The following TWIST2 variants were observed in gnomAD, a reference collection of about 807,000 sequenced individuals.
TWIST2 encodes the protein twist family bHLH transcription factor 2.
A neutral mutation model predicts 11.6 loss-of-function variants in TWIST2; 1 was observed. That is an observed-to-expected ratio of 0.09 (90% confidence interval 0.03 to 0.41). TWIST2 has a LOEUF of 0.41. Ranked by LOEUF, TWIST2 falls within the 10% of genes least tolerant of loss-of-function variation. TWIST2 has a pLI of 0.98. For missense variants in TWIST2, 168 were observed against 226.4 expected (o/e 0.74, Z 1.66); for synonymous variants, 87 against 96.6 (o/e 0.90, Z 0.58).
chr2:238,882,857 G>T (rs1414870132), intron 1 of TWIST2, among the ~76,000 whole-genome samples: 1 of 152,162 alleles, frequency 6.6e-6, no homozygotes, highest in Non-Finnish European at 1.5e-5. Flanking sequence ...TTTCTGGGTT[G>T]CTCTGCTGGA....
chr2:238,854,534 G>A (rs565204523), intron 1 of TWIST2, among the ~76,000 whole-genome samples: 98 of 152,342 alleles, frequency 6.4e-4, no homozygotes, highest in African/African-American at 2.2e-3. Flanking sequence ...CCCAGGAGGG[G>A]TTAGGGCAAC....
At chr2:238,905,984 T>C (rs1471274376) in intron 1 of TWIST2, among the ~76,000 whole-genome samples, 1 of 142,758 alleles carries the variant, frequency 7.0e-6, no homozygotes, top group Non-Finnish European at 1.5e-5. Context: ...CGCGCGCGTG[T>C]ACGTGCGCGT....
At chr2:238,870,145 TACACACCACACCCCAC>T (rs796428943) in intron 1 of TWIST2, among the ~76,000 whole-genome samples, 1 of 14,972 alleles carries the variant, frequency 6.7e-5, no homozygotes, top group African/African-American at 3.4e-4. Flanking sequence ...CCACACCCCA[TACACACCACACCCCAC>T]ACACACCACA....
intron 1 of TWIST2, among the ~76,000 whole-genome samples, chr2:238,868,831 C>T (rs897732552): frequency 2.6e-5 from 4 of 152,224 alleles, no homozygotes; most frequent in Non-Finnish European, 5.9e-5. Context: ...CTGGAGGGAG[C>T]GCTGCGTGCC....
At chr2:238,850,853 A>G (rs1283013258) in intron 1 of TWIST2, among the ~76,000 whole-genome samples, 5 of 152,228 alleles carry the variant, frequency 3.3e-5, no homozygotes, top group African/African-American at 4.8e-5. Flanking sequence ...GTTTCATTAA[A>G]TAGATACTCT....
At chr2:238,902,459 G>A (rs1693280069) in intron 1 of TWIST2, among the ~76,000 whole-genome samples, 1 of 150,668 alleles carries the variant, frequency 6.6e-6, no homozygotes, top group South Asian at 2.1e-4. Context: ...TGTGAATTGG[G>A]GTATGTGTGG....
intron 1 of TWIST2, among the ~76,000 whole-genome samples, chr2:238,858,663 G>A (rs368265887): frequency 1.7e-4 from 26 of 152,200 alleles, no homozygotes; most frequent in African/African-American, 3.6e-4. Flanking sequence ...CAGTTTCCCC[G>A]TCTGTAAAAT....
chr2:238,902,185 T>C (rs1693275330), intron 1 of TWIST2, among the ~76,000 whole-genome samples: 1 of 151,494 alleles, frequency 6.6e-6, no homozygotes, highest in African/African-American at 2.4e-5. Context: ...TGTGTGTGTG[T>C]GCAAGAGAGA....
At chr2:238,880,305 G>A (rs550957841) in intron 1 of TWIST2, among the ~76,000 whole-genome samples, 2 of 147,654 alleles carry the variant, frequency 1.4e-5, no homozygotes, top group African/African-American at 2.5e-5. Flanking sequence ...GTTATTGTTA[G>A]TGTTAGTGTT....
intron 1 of TWIST2, among the ~76,000 whole-genome samples, chr2:238,868,186 T>C (rs36171175): frequency 0.57 from 86,704 of 151,962 alleles, 25,479 homozygotes; most frequent in Middle Eastern, 0.71. Flanking sequence ...GAGGTCAGGC[T>C]TTCTGCACGT....
chr2:238,883,864 C>G (rs1692983886), intron 1 of TWIST2, among the ~76,000 whole-genome samples: 1 of 152,180 alleles, frequency 6.6e-6, no homozygotes, highest in East Asian at 1.9e-4. Flanking sequence ...TTTCTCTCCT[C>G]CTGCATCTGC....
chr2:238,855,974 T>C (rs1461020953), intron 1 of TWIST2, among the ~76,000 whole-genome samples: 3 of 152,194 alleles, frequency 2.0e-5, no homozygotes, highest in Admixed American at 1.3e-4. Context: ...CAAACAGATA[T>C]CTGTACCCTA....
At chr2:238,908,747 GTGTT>G (rs1693399636) in intron 1 of TWIST2, among the ~76,000 whole-genome samples, 1 of 151,426 alleles carries the variant, frequency 6.6e-6, no homozygotes, top group Non-Finnish European at 1.5e-5. Flanking sequence ...GGGATGTGGT[GTGTT>G]TGTGTGTGGT....
intron 1 of TWIST2, among the ~76,000 whole-genome samples, chr2:238,905,908 T>C (rs1330828402): frequency 8.0e-4 from 35 of 43,960 alleles, no homozygotes; most frequent in East Asian, 7.3e-3. Context: ...TGTGTGCGTG[T>C]GTGTGCGTGC....
chr2:238,900,313 C>T (rs2106372744), intron 1 of TWIST2, among the ~76,000 whole-genome samples: 1 of 152,302 alleles, frequency 6.6e-6, no homozygotes, highest in East Asian at 1.9e-4. Flanking sequence ...CAGACAGAAG[C>T]TTGGGGTGAC....
chr2:238,907,261 G>A (rs2106376349), intron 1 of TWIST2, among the ~76,000 whole-genome samples: 1 of 152,336 alleles, frequency 6.6e-6, no homozygotes, highest in South Asian at 2.1e-4. Flanking sequence ...CCAAGACCTT[G>A]GGCTTATGAC....
At chr2:238,900,612 T>G (rs1476578424) in intron 1 of TWIST2, among the ~76,000 whole-genome samples, 2 of 152,210 alleles carry the variant, frequency 1.3e-5, no homozygotes, top group African/African-American at 4.8e-5. Context: ...GCTGCATTGC[T>G]TCTCTCGCTC....
chr2:238,903,251 GAT>G (rs1339513245), intron 1 of TWIST2, among the ~76,000 whole-genome samples: 104 of 146,320 alleles, frequency 7.1e-4, no homozygotes, highest in African/African-American at 2.3e-3. Context: ...GTGTGTGTGA[GAT>G]GTAGTGTGTG....
intron 1 of TWIST2, among the ~76,000 whole-genome samples, chr2:238,891,861 G>A (rs1693139658): frequency 6.6e-6 from 1 of 152,138 alleles, no homozygotes; most frequent in Non-Finnish European, 1.5e-5. Flanking sequence ...GGAGTCCGCG[G>A]GGATGTCTTT....
Sources: gnomAD v4.1 joint callset for allele counts (sites outside exome capture counted in the v4.1 genomes callset) on GRCh38, gnomAD v4.1.1 for gene constraint, MANE v1.5 for transcripts, NCBI Gene and HGNC (gene_info 2026-07-23, HGNC 2026-07-21) for gene names.